The following RERE variants were observed in gnomAD, a reference collection of about 807,000 sequenced individuals.
The protein encoded by RERE is arginine-glutamic acid dipeptide repeats protein.
Under a neutral mutation model 146.1 loss-of-function variants are expected in RERE, and 40 were observed. That is an observed-to-expected ratio of 0.27 (90% confidence interval 0.21 to 0.36). RERE has a LOEUF of 0.36. Among genes scored for constraint, RERE ranks in the 10% least tolerant of loss-of-function variants. The pLI, the probability that RERE is intolerant of heterozygous loss-of-function variation, is 1.00. For synonymous variants in RERE, 1,003 were observed against 866.0 expected, an observed-to-expected ratio of 1.16 and a Z score of -2.78; for missense variants, 1,933 against 2,138.7, an observed-to-expected ratio of 0.90 and a Z score of 1.90.
intron 1 of RERE, among the ~76,000 whole-genome samples, chr1:8,731,745 T>A (rs187851928): frequency 6.6e-6 from 1 of 151,918 alleles, no homozygotes; most frequent in Non-Finnish European, 1.5e-5. Context: ...TGAAGCACAG[T>A]ATGGCATTTT....
intron 1 of RERE, among the ~76,000 whole-genome samples, chr1:8,812,045 G>C (rs941924828): frequency 6.6e-6 from 1 of 152,154 alleles, no homozygotes; most frequent in Non-Finnish European, 1.5e-5. Flanking sequence ...GGCCTGGCTC[G>C]TACGGCTTAA....
At chr1:8,405,156 T>C (rs1643402937) in intron 12 of RERE, among the ~76,000 whole-genome samples, 1 of 152,200 alleles carries the variant, frequency 6.6e-6, no homozygotes, top group Admixed American at 6.5e-5. Flanking sequence ...GAAGGGAGCA[T>C]GGCTCTGCTG....
At chr1:8,491,541 C>T (rs1483248931) in intron 10 of RERE, among the ~76,000 whole-genome samples, 1 of 151,612 alleles carries the variant, frequency 6.6e-6, no homozygotes, top group Non-Finnish European at 1.5e-5. Context: ...ACTGCTTGAG[C>T]CCAGGAGGTC....
intron 11 of RERE, among the ~76,000 whole-genome samples, chr1:8,449,962 G>A (rs1644370862): frequency 6.6e-6 from 1 of 152,178 alleles, no homozygotes; most frequent in South Asian, 2.1e-4. Flanking sequence ...ACCCTACTCA[G>A]TCTGTGTGTG....
chr1:8,433,646 C>T (rs867314590), intron 11 of RERE, among the ~76,000 whole-genome samples: 7 of 150,994 alleles, frequency 4.6e-5, no homozygotes, highest in African/African-American at 7.3e-5. Context: ...CTGCAAGCTC[C>T]GCTTCCCGGG....
intron 1 of RERE, among the ~76,000 whole-genome samples, chr1:8,754,166 T>A (rs909289837): frequency 6.6e-6 from 1 of 152,138 alleles, no homozygotes; most frequent in Admixed American, 6.5e-5. Flanking sequence ...TAAGCCCTAA[T>A]ATGTGTTAGG....
At chr1:8,702,317 G>T (rs1178267144) in intron 1 of RERE, among the ~76,000 whole-genome samples, 1 of 152,170 alleles carries the variant, frequency 6.6e-6, no homozygotes, top group African/African-American at 2.4e-5. Flanking sequence ...CGCCAGGGAC[G>T]CTTAAGGGCT....
At chr1:8,740,872 A>G (rs750773881) in intron 1 of RERE, among the ~76,000 whole-genome samples, 29 of 152,260 alleles carry the variant, frequency 1.9e-4, no homozygotes, top group Non-Finnish European at 3.5e-4. Flanking sequence ...GCTGGAGGCT[A>G]TTTTACAGTG....
At chr1:8,736,886 TGGAGAGTC>T (rs1420597808) in intron 1 of RERE, among the ~76,000 whole-genome samples, 10 of 151,528 alleles carry the variant, frequency 6.6e-5, no homozygotes, top group African/African-American at 2.4e-4. Context: ...CTAAAACCTT[TGGAGAGTC>T]ATTGTTTGAC....
intron 11 of RERE, among the ~76,000 whole-genome samples, chr1:8,438,272 G>A (rs964072834): frequency 1.3e-5 from 2 of 151,954 alleles, no homozygotes; most frequent in Non-Finnish European, 2.9e-5. Context: ...ATTATGGCAT[G>A]AGCCACTGTG....
chr1:8,563,210 A>G (rs774201123), intron 4 of RERE, among the ~76,000 whole-genome samples: 20 of 152,208 alleles, frequency 1.3e-4, no homozygotes, highest in Non-Finnish European at 2.9e-4. Context: ...TGTTTTATCA[A>G]TTTAAATAGC....
intron 1 of RERE, among the ~76,000 whole-genome samples, chr1:8,789,016 G>C (rs1330507972): frequency 1.3e-5 from 2 of 151,820 alleles, no homozygotes; most frequent in Non-Finnish European, 2.9e-5. Context: ...AGATAAACAG[G>C]TATGAATCAG....
chr1:8,466,739 T>TCTTAG (rs1644603355), intron 10 of RERE, among the ~76,000 whole-genome samples: 1 of 152,256 alleles, frequency 6.6e-6, no homozygotes, highest in Non-Finnish European at 1.5e-5. Context: ...TTTATCTACA[T>TCTTAG]ATTCCCTTTA....
chr1:8,669,246 T>G (rs1334002675), intron 1 of RERE, among the ~76,000 whole-genome samples: 1 of 152,052 alleles, frequency 6.6e-6, no homozygotes, highest in East Asian at 1.9e-4. Context: ...CGGCTAATTT[T>G]TTTGTATTCT....
At chr1:8,696,639 G>C (rs1410016785) in intron 1 of RERE, among the ~76,000 whole-genome samples, 1 of 152,152 alleles carries the variant, frequency 6.6e-6, no homozygotes, top group Non-Finnish European at 1.5e-5. Context: ...GCTGGGCGCG[G>C]TGGTTCACGC....
At chr1:8,507,740 T>TTTTTTTC (rs1645275295) in intron 8 of RERE, among the ~76,000 whole-genome samples, 1 of 124,526 alleles carries the variant, frequency 8.0e-6, no homozygotes, top group Non-Finnish European at 1.7e-5. Flanking sequence ...CTTTTATCTT[T>TTTTTTTC]TTTTTTTTTT....
chr1:8,500,654 T>C (rs1263756947), intron 8 of RERE, among the ~76,000 whole-genome samples: 12 of 145,688 alleles, frequency 8.2e-5, no homozygotes, highest in Admixed American at 3.4e-4. Context: ...GTGAGGAGCG[T>C]CTCTGCCTGG....
chr1:8,500,994 T>G (rs1645131934), intron 8 of RERE, among the ~76,000 whole-genome samples: 1 of 83,934 alleles, frequency 1.2e-5, no homozygotes, highest in Non-Finnish European at 2.4e-5. Context: ...GTCTGGGAAG[T>G]GAGGAGCGTC....
chr1:8,766,637 C>A (rs1400939613), intron 1 of RERE, among the ~76,000 whole-genome samples: 1 of 150,286 alleles, frequency 6.7e-6, no homozygotes, highest in Non-Finnish European at 1.5e-5. Flanking sequence ...ATAAGAGATA[C>A]AGGAAAAAGA....
Sources: gnomAD v4.1 joint callset for allele counts (sites outside exome capture counted in the v4.1 genomes callset) on GRCh38, gnomAD v4.1.1 for gene constraint, MANE v1.5 for transcripts, NCBI Gene and HGNC (gene_info 2026-07-23, HGNC 2026-07-21) for gene names.